PPM1A: variants seen among roughly 807,000 people sequenced by gnomAD.
PPM1A encodes the protein protein phosphatase, Mg2+/Mn2+ dependent 1A.
PPM1A carries 7 observed loss-of-function variants against 35.0 expected under a neutral mutation model. The observed-to-expected ratio is 0.20, with a 90% CI of 0.11 to 0.38. The LOEUF (loss-of-function observed/expected upper bound fraction) is 0.38. PPM1A is among the 10% of genes least tolerant of loss of function. The probability of loss-of-function intolerance (pLI) is 1.00; values close to 1 mark genes in which losing one functional copy is unlikely to be tolerated. For synonymous variants in PPM1A, 153 were observed against 167.3 expected (o/e 0.91, Z 0.66); for missense variants, 239 against 467.8 (o/e 0.51, Z 4.51).
intron 3 of PPM1A, chr14:60,286,804 G>T: frequency 1.0e-6 from 1 of 982,666 alleles, no homozygotes; most frequent in Non-Finnish European, 1.2e-6. Context: ...TCCGCCACTT[G>T]ATAGTCATAC....
chr14:60,275,888 A>G (rs1419398603), intron 1 of PPM1A, among the ~76,000 whole-genome samples: 1 of 136,204 alleles, frequency 7.3e-6, no homozygotes, highest in Non-Finnish European at 1.6e-5. Context: ...AGTTTTGTTA[A>G]TGTGCTTATT....
rs566941792 is a variant in PPM1A at position 60,273,472 on chromosome 14, T to C, written c.-20-9212T>C. On this transcript the variant is annotated intron_variant, in intron 1 of 5. Transcript: ENST00000395076. This position sits in a 1 kb window ranked among gnomAD's most constrained non-coding sequence, Gnocchi z 4.3. ...GTGAGATGCGGCTAGAGAAGGTACG[T>C]AGGGGCTTGACTTCCCAGGGCCTTC... 1.3e-5 allele frequency among the ~76,000 whole-genome samples: 2 copies of C among 152,278 alleles called. No homozygotes were observed. The highest frequency in any genetic ancestry group is 3.9e-4 in the East Asian group (2 of 5,180).
At chr14:60,248,940 G>C (rs1341040118), upstream of PPM1A, among the ~76,000 whole-genome samples, 3 of 152,180 alleles carry the variant, frequency 2.0e-5, no homozygotes, top group Non-Finnish European at 4.4e-5. Context: ...TCCGGGATCC[G>C]GACGCTCCCT....
rs535192748 is a variant in PPM1A at position 60,292,962 on chromosome 14, T to G, written c.*480T>G. On this transcript the variant is annotated 3_prime_UTR_variant, in exon 6 of 6. Coordinates refer to ENST00000395076, the MANE Select transcript of PPM1A (RefSeq NM_021003.5). The surrounding 1 kb of genome is among the most constrained non-coding windows in gnomAD (Gnocchi z 4.2). ...CTACACGCTCAAATGTGCAGATGAT[T>G]ATGGAAAATAACCTCAAAATCTTAC... The G allele has an allele frequency of 6.6e-6, 1 of 152,422 alleles. No individual in the cohort carries two copies. Among genetic ancestry groups the G allele is most frequent in the South Asian group, 2.1e-4 (1 of 4,832 alleles). The allele number at this position is 152,422 out of a possible 1,614,324, so 9.4% of individuals were successfully genotyped here.
intron 1 of PPM1A, among the ~76,000 whole-genome samples, chr14:60,254,448 A>G (rs1160331871): frequency 6.6e-6 from 1 of 152,220 alleles, no homozygotes; most frequent in East Asian, 1.9e-4. Context: ...TCAGTCAGTA[A>G]GGAAGGACAA....
intron 1 of PPM1A, among the ~76,000 whole-genome samples, chr14:60,251,834 ACT>A (rs1175630200): frequency 6.6e-6 from 1 of 151,692 alleles, no homozygotes; most frequent in African/African-American, 2.4e-5. Context: ...GTGTAGGGAA[ACT>A]CTTGAGAGGA....
Position 60,249,484 on chromosome 14 carries a change from G to T in PPM1A, c.-214G>T. 1 of 985,508 alleles carries T rather than the reference G, an allele frequency of 1.0e-6. No homozygotes were observed. The highest frequency in any genetic ancestry group is 1.2e-6 in the Non-Finnish European group (1 of 830,292). The allele number at this position is 985,508 out of a possible 1,614,324, so 61.0% of individuals were successfully genotyped here. A position where few individuals can be genotyped will look rare whatever the true frequency, so the allele number is the denominator to read the frequency against. On this transcript the variant is annotated 5_prime_UTR_variant, in exon 1 of 6. Transcript: ENST00000395076. The surrounding 1 kb of genome is among the most constrained non-coding windows in gnomAD (Gnocchi z 4.5). ...CGCCCGGATGATCTGAGCCGCGAGGGCGCCGACAGCCGGGGGCCCGGACGC... is the reference window on the plus strand; with the variant it reads ...CGCCCGGATGATCTGAGCCGCGAGGTCGCCGACAGCCGGGGGCCCGGACGC...
At chr14:60,254,247 G>A (rs1431175257) in intron 1 of PPM1A, among the ~76,000 whole-genome samples, 1 of 146,462 alleles carries the variant, frequency 6.8e-6, no homozygotes, top group Non-Finnish European at 1.5e-5. Flanking sequence ...TGTGAGTTTA[G>A]AGAGCTTGCA....
chr14:60,298,033 G>C lies in PPM1A; in HGVS notation c.*5551G>C, dbSNP rs1888190696. 2 of 151,476 alleles carry C rather than the reference G, an allele frequency of 1.3e-5. No individual in the cohort carries two copies. Among genetic ancestry groups the C allele is most frequent in the Admixed American group, 6.6e-5 (1 of 15,172 alleles). 9.4% of individuals were successfully genotyped at this position (151,476 alleles called of 1,614,324 possible). On this transcript the variant is annotated 3_prime_UTR_variant, in exon 6 of 6. Transcript: ENST00000395076. ...CACTCTAGAGGTAGATAGGGGACCTGGCTAGAATCTGACATTAAAATATAC... is the reference window on the plus strand; with the variant it reads ...CACTCTAGAGGTAGATAGGGGACCTCGCTAGAATCTGACATTAAAATATAC...
chr14:60,277,857 G>T (rs150476455), intron 1 of PPM1A, among the ~76,000 whole-genome samples: 1 of 152,322 alleles, frequency 6.6e-6, no homozygotes, highest in East Asian at 1.9e-4. Context: ...AGATGAGGAA[G>T]TTGAGGAATG....
At chr14:60,274,934 C>T (rs1480453569) in intron 1 of PPM1A, among the ~76,000 whole-genome samples, 1 of 151,650 alleles carries the variant, frequency 6.6e-6, no homozygotes, top group Non-Finnish European at 1.5e-5. Context: ...TTATTTTTCT[C>T]TGTTCATTTT....
At chr14:60,274,386 G>A (rs1181545425) in intron 1 of PPM1A, among the ~76,000 whole-genome samples, 1 of 152,086 alleles carries the variant, frequency 6.6e-6, no homozygotes, top group Non-Finnish European at 1.5e-5. Flanking sequence ...AAAGAGAAGA[G>A]AGGCACATGG....
chr14:60,254,020 A>T (rs1202265794), intron 1 of PPM1A, among the ~76,000 whole-genome samples: 2 of 152,188 alleles, frequency 1.3e-5, no homozygotes, highest in African/African-American at 4.8e-5. Flanking sequence ...TTGAAGATTT[A>T]ATGAAATAAT....
rs1285088506 is a variant in PPM1A, at chr14:60,291,402, A to G, written c.1067A>G (p.Asn356Ser). Reference protein sequence around the residue: ...PPGGELASKRNVIEAVYNRLN... With the variant: ...PPGGELASKRSVIEAVYNRLN... ...CTGCATTTTTTTACACTTAGGAGGA[A>G]TGTTATTGAAGCCGTTTACAATAGA... is the stretch of plus-strand genomic sequence containing the variant. Residue 356 changes from asparagine (N) to serine (S), a missense_variant, in exon 5 of 6, where the codon AAT becomes AGT. This residue lies in a region of PPM1A where 64 missense variants were observed against 78.6 expected (regional missense o/e 0.81). Coordinates refer to ENST00000395076, the MANE Select transcript of PPM1A (RefSeq NM_021003.5). The G allele has an allele frequency of 6.4e-7, 1 of 1,565,074 alleles. No individual in the cohort carries two copies. The highest frequency in any genetic ancestry group is 8.7e-7 in the Non-Finnish European group (1 of 1,150,856).
At chr14:60,262,594 G>A (rs937066719) in intron 1 of PPM1A, among the ~76,000 whole-genome samples, 4 of 152,182 alleles carry the variant, frequency 2.6e-5, no homozygotes, top group Non-Finnish European at 5.9e-5. Flanking sequence ...TGAGACGAGA[G>A]GATCACCTGA....
At position 60,249,355 on chromosome 14, in the gene PPM1A, GGA is replaced by G. The variant is rs1882034928; in HGVS notation, c.-341_-340del. 2 of 983,662 alleles carry G rather than the reference GGA, an allele frequency of 2.0e-6. No individual in the cohort carries two copies. Among genetic ancestry groups the G allele is most frequent in the South Asian group, 4.7e-5 (1 of 21,328 alleles). The allele number at this position is 983,662 out of a possible 1,614,324, so 60.9% of individuals were successfully genotyped here. On this transcript the variant is annotated 5_prime_UTR_variant, in exon 1 of 6. Coordinates refer to ENST00000395076, the MANE Select transcript of PPM1A (RefSeq NM_021003.5). This position sits in a 1 kb window ranked among gnomAD's most constrained non-coding sequence, Gnocchi z 4.5. ...CTGTTGCTCCGGAACGGGTGGTTGG[GGA>G]GGGGGGGGTGGGGGGACTCTAGACA...
At chr14:60,268,333 A>G in intron 1 of PPM1A, 1 of 979,596 alleles carries the variant, frequency 1.0e-6, no homozygotes, top group Non-Finnish European at 1.2e-6. Flanking sequence ...AAAAAAAAAA[A>G]TTTGTTTTCC....
intron 1 of PPM1A, among the ~76,000 whole-genome samples, chr14:60,280,514 G>A (rs2139516775): frequency 6.6e-6 from 1 of 152,328 alleles, no homozygotes; most frequent in African/African-American, 2.4e-5. Flanking sequence ...TCTCTTAAAT[G>A]TGTTTAATTT....
chr14:60,291,705 G>C (rs1272530850), intron 5 of PPM1A, among the ~76,000 whole-genome samples: 2 of 149,676 alleles, frequency 1.3e-5, no homozygotes, highest in Non-Finnish European at 3.0e-5. Flanking sequence ...GATTTTTTAA[G>C]TCTTTACAAA....
Sources: allele counts gnomAD v4.1 joint callset (sites outside exome capture counted in the v4.1 genomes callset), GRCh38; gene constraint gnomAD v4.1.1; regional missense constraint gnomAD v4.1.1; non-coding constraint Gnocchi (gnomAD v3.1); transcripts MANE v1.5; gene names NCBI Gene and HGNC (gene_info 2026-07-23, HGNC 2026-07-21).